The following VPS53 variants were observed in gnomAD, a reference collection of about 807,000 sequenced individuals.
VPS53 encodes the protein vacuolar protein sorting-associated protein 53 homolog.
In VPS53, 70 loss-of-function variants were observed where a neutral mutation model predicts 107.0. The observed-to-expected ratio is 0.65, with a 90% CI of 0.54 to 0.80. The LOEUF (loss-of-function observed/expected upper bound fraction) is 0.80, where lower values mean the gene tolerates loss of function less well. VPS53 is among the 30% of genes least tolerant of loss of function. VPS53 has a pLI of 0.00. For synonymous variants in VPS53, 409 were observed against 393.3 expected (o/e 1.04, Z -0.47); for missense variants, 917 against 1,049.4 (o/e 0.87, Z 1.74).
At chr17:562,862 A>T (rs1757380122) in intron 13 of VPS53, 117 bp from the exon 14 acceptor site, 9 of 1,212,040 alleles carry the variant, frequency 7.4e-6, no homozygotes, top group Non-Finnish European at 1.0e-5. Flanking sequence ...ACTGCATTTA[A>T]AACTTAAAAT....
chr17:546,654 A>C (rs982307356), intron 17 of VPS53, among the ~76,000 whole-genome samples: 8 of 152,208 alleles, frequency 5.3e-5, no homozygotes, highest in African/African-American at 1.9e-4. Context: ...AACTGTAATC[A>C]CAATGAGATA....
At chr17:713,815 G>T (rs371503579) in intron 1 of VPS53, among the ~76,000 whole-genome samples, 66 of 152,100 alleles carry the variant, frequency 4.3e-4, no homozygotes, top group African/African-American at 1.5e-3. Flanking sequence ...CAAGGCGGGC[G>T]GGTTACTTGA....
At chr17:599,008 T>C (rs1157321269) in intron 12 of VPS53, among the ~76,000 whole-genome samples, 6 of 26,610 alleles carry the variant, frequency 2.3e-4, no homozygotes, top group African/African-American at 5.4e-4. Flanking sequence ...GGGGGGGGGG[T>C]CAGCCCCCAA....
In VPS53 at chr17:662,834, AAAGGAAGGAAGG is replaced by A. The variant is rs796580340; in HGVS notation, c.286-951_286-940del. 9.1e-3 allele frequency among the ~76,000 whole-genome samples: 1,104 copies of A among 121,050 alleles called. 25 individuals carry two copies. The highest frequency in any genetic ancestry group is 0.028 in the African/African-American group (955 of 34,108). 79.4% of individuals were successfully genotyped at this position (121,050 alleles called of 152,430 possible). Reference sequence around the variant, plus strand: ...AAAAGAAAGAAAGAGAAAGAGAAAGAAAGGAAGGAAGGAAGGAAGGAAGGAAGGAAGGAAGGA... The same window carrying A: ...AAAAGAAAGAAAGAGAAAGAGAAAGAAAGGAAGGAAGGAAGGAAGGAAGGA... On this transcript the variant is annotated intron_variant, in intron 4 of 21. Transcript: ENST00000437048.
At chr17:657,481 A>G in intron 5 of VPS53, 1 of 1,466,494 alleles carries the variant, frequency 6.8e-7, no homozygotes, top group Non-Finnish European at 9.5e-7. Flanking sequence ...ACACCGGTCA[A>G]TTTATCCAGC....
At chr17:547,918 C>T (rs182890086) in intron 17 of VPS53, among the ~76,000 whole-genome samples, 1 of 152,322 alleles carries the variant, frequency 6.6e-6, no homozygotes, top group Admixed American at 6.5e-5. Context: ...TCCTGGCCAA[C>T]TGTATACTTT....
intron 9 of VPS53, 124 bp from the exon 10 acceptor site, chr17:627,440 A>C: frequency 7.9e-7 from 1 of 1,258,944 alleles, no homozygotes; most frequent in Non-Finnish European, 1.1e-6. Context: ...CATGGTTTTA[A>C]AGAATCTAGG....
intron 12 of VPS53, 54 bp from the exon 13 acceptor site, chr17:586,418 C>G: frequency 6.4e-7 from 1 of 1,550,620 alleles, no homozygotes; most frequent in South Asian, 1.1e-5. Context: ...TGCAAATGTT[C>G]AAGAATTTTT....
chr17:662,070 C>T (rs772101992), intron 4 of VPS53, among the ~76,000 whole-genome samples, 175 bp from the exon 5 acceptor site: 7 of 152,218 alleles, frequency 4.6e-5, no homozygotes, highest in Middle Eastern at 6.8e-3. Flanking sequence ...CCAGTGGCTG[C>T]GAACAGGTAA....
chr17:583,479 T>TC (rs1402809741), intron 13 of VPS53, among the ~76,000 whole-genome samples: 3 of 145,962 alleles, frequency 2.1e-5, no homozygotes, highest in Admixed American at 6.8e-5. Flanking sequence ...CCTCAGGACC[T>TC]AATGCGTTCC....
At chr17:529,869 CAA>C (rs59345629) in intron 19 of VPS53, among the ~76,000 whole-genome samples, 6 of 122,242 alleles carry the variant, frequency 4.9e-5, no homozygotes, top group Non-Finnish European at 7.3e-5. Context: ...CTATATCTAC[CAA>C]AAAAAAAAAA....
intron 4 of VPS53, among the ~76,000 whole-genome samples, chr17:680,845 C>A (rs2143786595): frequency 6.6e-6 from 1 of 152,276 alleles, no homozygotes; most frequent in South Asian, 2.1e-4. Flanking sequence ...GAACAAACTG[C>A]CTGCCATTCC....
rs1907748729 is a variant in VPS53, at chr17:508,706, A to G, written c.*10422T>C. On this transcript the variant is annotated 3_prime_UTR_variant, in exon 22 of 22. Transcript: ENST00000437048. ...TCTGTTTAATTGAAGAGCCTCTACC[A>G]TTGCAAGAAGAGCTGTTTAAAACAA... 1 of 152,206 alleles carries G rather than the reference A, an allele frequency of 6.6e-6. No individual in the cohort carries two copies. Among genetic ancestry groups the G allele is most frequent in the African/African-American group, 2.4e-5 (1 of 41,450 alleles). 9.4% of individuals were successfully genotyped at this position (152,206 alleles called of 1,614,324 possible).
rs1014097778 is a variant in VPS53 at position 519,054 on chromosome 17, C to T, written c.*74G>A. On this transcript the variant is annotated 3_prime_UTR_variant, in exon 22 of 22. Coordinates refer to ENST00000437048, the MANE Select transcript of VPS53 (RefSeq NM_001128159.3). The surrounding 1 kb of genome is among the most constrained non-coding windows in gnomAD (Gnocchi z 5.0). ...GACGATGTGAGAGTGCCGGGGAGCA[C>T]AGGAGAGGTTGGGGGCTTCTGGGGA... 4 of 1,424,584 alleles carry T rather than the reference C, an allele frequency of 2.8e-6. No individual in the cohort carries two copies. The highest frequency in any genetic ancestry group is 3.0e-5 in the Admixed American group (1 of 33,798). The allele number at this position is 1,424,584 out of a possible 1,614,324, so 88.2% of individuals were successfully genotyped here.
chr17:701,418 A>C (rs902801856), intron 2 of VPS53, among the ~76,000 whole-genome samples: 2 of 151,882 alleles, frequency 1.3e-5, no homozygotes, highest in Admixed American at 1.3e-4. Flanking sequence ...TAGCTCTGTC[A>C]CCAGGCTGGA....
At chr17:631,090 G>A (rs141283063) in intron 8 of VPS53, among the ~76,000 whole-genome samples, 337 of 152,102 alleles carry the variant, frequency 2.2e-3, no homozygotes, top group African/African-American at 7.7e-3. Flanking sequence ...CATGAATTCC[G>A]AAGAGCAGGC....
intron 11 of VPS53, among the ~76,000 whole-genome samples, chr17:608,622 C>T (rs4968056): frequency 0.96 from 132,767 of 138,002 alleles, 63,823 homozygotes; most frequent in Middle Eastern, 0.98. Flanking sequence ...CTTTTCTTTT[C>T]TTTTTTTTTT....
At chr17:521,069 T>TA (rs1280785192) in intron 20 of VPS53, among the ~76,000 whole-genome samples, 6 of 152,188 alleles carry the variant, frequency 3.9e-5, no homozygotes, top group African/African-American at 1.4e-4. Context: ...CCCTCATCCC[T>TA]ACTCTTCAAA....
intron 19 of VPS53, among the ~76,000 whole-genome samples, chr17:530,645 G>A (rs1265538984): frequency 6.6e-6 from 1 of 152,126 alleles, no homozygotes; most frequent in East Asian, 1.9e-4. Flanking sequence ...GATAGAAATG[G>A]TGACAGCGGA....
Sources: gnomAD v4.1 joint callset for allele counts (sites outside exome capture counted in the v4.1 genomes callset) on GRCh38, gnomAD v4.1.1 for gene constraint, Gnocchi (gnomAD v3.1) non-coding constraint, MANE v1.5 for transcripts, NCBI Gene and HGNC (gene_info 2026-07-23, HGNC 2026-07-21) for gene names.